GRIA1: variants seen among roughly 807,000 people sequenced by gnomAD.
GRIA1 encodes the protein glutamate receptor 1.
In GRIA1, 31 loss-of-function variants were observed where a neutral mutation model predicts 99.2. The ratio of observed to expected loss-of-function variants is 0.31; its 90% confidence interval spans 0.23 to 0.42. GRIA1 has a LOEUF of 0.42. Among genes scored for constraint, GRIA1 ranks in the 10% least tolerant of loss-of-function variants. GRIA1 has a pLI of 1.00. For missense variants in GRIA1, 782 were observed against 1,157.5 expected (o/e 0.68, Z 4.71); for synonymous variants, 438 against 432.4 (o/e 1.01, Z -0.16).
chr5:153,557,662 C>T (rs1170884177), intron 2 of GRIA1: 1 of 152,050 alleles, frequency 6.6e-6, no homozygotes, highest in Non-Finnish European at 1.5e-5. Flanking sequence ...AGGGTAAAGA[C>T]ACAAACTAGA....
At chr5:153,633,436 A>G (rs1167214193) in intron 2 of GRIA1, among the ~76,000 whole-genome samples, 1 of 152,152 alleles carries the variant, frequency 6.6e-6, no homozygotes, top group Non-Finnish European at 1.5e-5. Context: ...ATGTTTTGAG[A>G]AACTTTGAAA....
At chr5:153,627,471 C>G (rs1159685893) in intron 2 of GRIA1, among the ~76,000 whole-genome samples, 1 of 152,114 alleles carries the variant, frequency 6.6e-6, no homozygotes, top group Non-Finnish European at 1.5e-5. Context: ...GCCTTTCAGC[C>G]CCAGAAATCT....
intron 5 of GRIA1, among the ~76,000 whole-genome samples, chr5:153,662,268 G>A (rs372030972): frequency 5.9e-5 from 9 of 152,334 alleles, no homozygotes; most frequent in East Asian, 3.9e-4. Flanking sequence ...AGGCCTGTCC[G>A]TATGCCTGAT....
chr5:153,611,686 A>C (rs989174760), intron 2 of GRIA1, among the ~76,000 whole-genome samples: 1 of 152,230 alleles, frequency 6.6e-6, no homozygotes, highest in Non-Finnish European at 1.5e-5. Flanking sequence ...ATAAGATGGC[A>C]TATAAAAATC....
At chr5:153,706,659 T>C (rs573557951) in intron 11 of GRIA1, among the ~76,000 whole-genome samples, 6 of 152,312 alleles carry the variant, frequency 3.9e-5, no homozygotes, top group African/African-American at 1.4e-4. Flanking sequence ...TTTATGCGGC[T>C]CTCAGAAAGT....
intron 7 of GRIA1, among the ~76,000 whole-genome samples, chr5:153,684,302 A>T (rs914382416): frequency 9.9e-5 from 15 of 152,258 alleles, no homozygotes; most frequent in Non-Finnish European, 1.9e-4. Context: ...CAACAATAAT[A>T]ATAACAGCTG....
At chr5:153,616,998 T>C (rs1766569075) in intron 2 of GRIA1, among the ~76,000 whole-genome samples, 1 of 152,216 alleles carries the variant, frequency 6.6e-6, no homozygotes, top group African/African-American at 2.4e-5. Context: ...TGGCCATGGC[T>C]ATAGCTGCTG....
rs1007982844 is a variant in GRIA1 at position 153,697,276 on chromosome 5, C to G, written c.1135-768C>G. Among the ~76,000 whole-genome samples the G allele has an allele frequency of 2.0e-5, 3 of 152,316 alleles. No homozygotes were observed. The South Asian group carries it at 6.2e-4, about 32-fold the overall frequency. On this transcript the variant is annotated intron_variant, in intron 8 of 15. Coordinates refer to ENST00000285900, the MANE Select transcript of GRIA1 (RefSeq NM_000827.4). ...ATGTCTTCCCATGGTAGACCAGAGG[C>G]GTTCTCAGAGCAAGCCCTATCTCTC...
intron 2 of GRIA1, among the ~76,000 whole-genome samples, chr5:153,632,702 A>C (rs2149437451): frequency 6.6e-6 from 1 of 152,214 alleles, no homozygotes; most frequent in South Asian, 2.1e-4. Context: ...TGTTCAATAA[A>C]CCGTTATTGA....
At chr5:153,759,613 C>T (rs1036586639) in intron 11 of GRIA1, among the ~76,000 whole-genome samples, 10 of 152,114 alleles carry the variant, frequency 6.6e-5, no homozygotes, top group Non-Finnish European at 1.5e-4. Context: ...CTGCCAAATT[C>T]TACCAAATAG....
intron 2 of GRIA1, among the ~76,000 whole-genome samples, chr5:153,533,153 G>C (rs1435084459): frequency 6.6e-6 from 1 of 152,166 alleles, no homozygotes; most frequent in African/African-American, 2.4e-5. Flanking sequence ...ATACCTTGCA[G>C]CTCCAAAGTT....
intron 7 of GRIA1, among the ~76,000 whole-genome samples, chr5:153,683,037 C>T (rs1287585935): frequency 1.3e-5 from 2 of 152,138 alleles, no homozygotes; most frequent in Non-Finnish European, 2.9e-5. Context: ...ACAGAAGTTC[C>T]GGGAGCAGGA....
intron 2 of GRIA1, among the ~76,000 whole-genome samples, chr5:153,605,322 T>C (rs965644891): frequency 2.0e-5 from 3 of 152,240 alleles, no homozygotes; most frequent in African/African-American, 7.2e-5. Context: ...TCCTCATGAT[T>C]GTAGATAGGT....
Position 153,652,049 on chromosome 5 carries a change from G to A in GRIA1, c.645+1535G>A, listed in dbSNP as rs538728942. Among the ~76,000 whole-genome samples the A allele has an allele frequency of 3.9e-5, 6 of 152,242 alleles. No homozygotes were observed. The East Asian group carries it at 9.7e-4, about 25-fold the overall frequency. Reference sequence around the variant, plus strand: ...GTGAGAATTAAAAGAATCAATATATGTGAAGCACTTAGAACAGAGTCTGCC... The same window carrying A: ...GTGAGAATTAAAAGAATCAATATATATGAAGCACTTAGAACAGAGTCTGCC... On this transcript the variant is annotated intron_variant, in intron 4 of 15. Coordinates refer to ENST00000285900, the MANE Select transcript of GRIA1 (RefSeq NM_000827.4).
chr5:153,666,484 G>C (rs950646837), intron 5 of GRIA1, among the ~76,000 whole-genome samples: 82 of 152,276 alleles, frequency 5.4e-4, no homozygotes, highest in African/African-American at 1.9e-3. Flanking sequence ...AATGTGTGCT[G>C]CTCTGAGTGC....
chr5:153,696,862 A>G (rs71588101), intron 8 of GRIA1, among the ~76,000 whole-genome samples: 14,253 of 151,182 alleles, frequency 0.094, 815 homozygotes, highest in Non-Finnish European at 0.12. Flanking sequence ...TAGGGTGTGT[A>G]TGTGTGTGTG....
At chr5:153,689,980 A>G (rs1276203385) in intron 8 of GRIA1, among the ~76,000 whole-genome samples, 1 of 152,198 alleles carries the variant, frequency 6.6e-6, no homozygotes, top group African/African-American at 2.4e-5. Context: ...CTTGCTCTTC[A>G]TCAAGAACTT....
At chr5:153,809,876 T>A (rs958291100) in intron 15 of GRIA1, among the ~76,000 whole-genome samples, 1 of 152,088 alleles carries the variant, frequency 6.6e-6, no homozygotes, top group African/African-American at 2.4e-5. Flanking sequence ...AAGACGACAG[T>A]GAGAACAGAA....
chr5:153,707,520 C>G (rs115644021), intron 11 of GRIA1, among the ~76,000 whole-genome samples: 6,592 of 152,226 alleles, frequency 0.043, 156 homozygotes, highest in Middle Eastern at 0.11. Context: ...CCAGTAGGCA[C>G]TCTCTTAGAT....
Sources: gnomAD v4.1 joint callset for allele counts (sites outside exome capture counted in the v4.1 genomes callset) on GRCh38, gnomAD v4.1.1 for gene constraint, MANE v1.5 for transcripts, NCBI Gene and HGNC (gene_info 2026-07-23, HGNC 2026-07-21) for gene names.